FAM83B: variants seen among roughly 807,000 people sequenced by gnomAD.
FAM83B encodes the protein scaffolding CK1 anchoring protein B.
Under a neutral mutation model 38.8 loss-of-function variants are expected in FAM83B, and 26 were observed. The observed-to-expected ratio is 0.67, with a 90% CI of 0.49 to 0.93. The LOEUF (loss-of-function observed/expected upper bound fraction) is 0.93, where lower values mean the gene tolerates loss of function less well. Ranked by LOEUF, FAM83B falls within the 40% of genes least tolerant of loss-of-function variation. The pLI is 0.00. For synonymous variants in FAM83B, 419 were observed against 423.1 expected, an observed-to-expected ratio of 0.99 and a Z score of 0.12; for missense variants, 1,237 against 1,197.3, an observed-to-expected ratio of 1.03 and a Z score of -0.49.
rs74912357 is a variant in FAM83B, at chr6:54,942,305, G to A, written c.*298G>A. On this transcript the variant is annotated 3_prime_UTR_variant, in exon 5 of 5. Coordinates refer to ENST00000306858, the MANE Select transcript of FAM83B (RefSeq NM_001010872.3). ...TCACTTAGAAATTTTTGTGGACGAT[G>A]TATGGTGTATGGTGTATGGTGTATG... Among the ~76,000 whole-genome samples the A allele has an allele frequency of 5.8e-3, 888 of 151,994 alleles. 8 individuals carry two copies. Among genetic ancestry groups the A allele is most frequent in the Non-Finnish European group, 6.5e-3 (442 of 67,994 alleles).
At chr6:54,882,302 T>A (rs1489664426) in intron 2 of FAM83B, among the ~76,000 whole-genome samples, 4 of 152,224 alleles carry the variant, frequency 2.6e-5, no homozygotes, top group Non-Finnish European at 4.4e-5. Flanking sequence ...TAACAGCTAA[T>A]GTTTAATGCT....
intron 2 of FAM83B, among the ~76,000 whole-genome samples, chr6:54,910,218 T>C (rs1213427150): frequency 6.6e-6 from 1 of 152,070 alleles, no homozygotes; most frequent in East Asian, 1.9e-4. Context: ...TATCCAACAA[T>C]CAATATACAG....
At position 54,942,391 on chromosome 6, in the gene FAM83B, G is replaced by A. The variant is rs1042729232; in HGVS notation, c.*384G>A. Among the ~76,000 whole-genome samples the A allele has an allele frequency of 1.3e-5, 2 of 151,998 alleles. No homozygotes were observed. Among genetic ancestry groups the A allele is most frequent in the Admixed American group, 6.6e-5 (1 of 15,246 alleles). On this transcript the variant is annotated 3_prime_UTR_variant, in exon 5 of 5. Transcript: ENST00000306858. ...CCCTCAGTAACCCTTTATAACATGTGTTTATAGTGTTTTCATATCTTCAAA... is the reference window on the plus strand; with the variant it reads ...CCCTCAGTAACCCTTTATAACATGTATTTATAGTGTTTTCATATCTTCAAA...
chr6:54,940,109 A>T lies in FAM83B; in HGVS notation c.1138A>T (p.Ile380Leu). ...AATACGTCAGTTTCAACCCAATCAG[A>T]TAAATGAAAATTGGAAAAGGCATAG... ...NAIRQFQPNQ[I>L]NENWKRHSYA... is the part of the protein sequence containing the mutation. The change falls in exon 5 of 5, where the codon ATA (isoleucine) becomes TTA (leucine). Residue 380 changes from isoleucine to leucine, a missense_variant. Physicochemically the swap from Ile to Leu is conservative, Grantham distance 5. Coordinates refer to ENST00000306858, the MANE Select transcript of FAM83B (RefSeq NM_001010872.3). 2 of 1,614,126 alleles carry T rather than the reference A, an allele frequency of 1.2e-6. No individual in the cohort carries two copies. The highest frequency in any genetic ancestry group is 1.1e-5 in the South Asian group (1 of 91,082).
chr6:54,899,516 T>G (rs1772609578), intron 2 of FAM83B, among the ~76,000 whole-genome samples: 1 of 152,210 alleles, frequency 6.6e-6, no homozygotes. Flanking sequence ...AGAGCAGCTT[T>G]TAAACAGCAG....
At chr6:54,901,090 T>C (rs946299562) in intron 2 of FAM83B, among the ~76,000 whole-genome samples, 7 of 152,324 alleles carry the variant, frequency 4.6e-5, no homozygotes, top group African/African-American at 1.7e-4. Flanking sequence ...GGAATCTGTT[T>C]ATTTATCTAG....
intron 2 of FAM83B, among the ~76,000 whole-genome samples, chr6:54,906,529 C>T (rs1204798717): frequency 1.3e-5 from 2 of 151,958 alleles, no homozygotes; most frequent in Admixed American, 6.6e-5. Context: ...CTATCACAGG[C>T]GCGTGCCCCT....
At chr6:54,921,692 T>C (rs1309445062) in intron 2 of FAM83B, among the ~76,000 whole-genome samples, 1 of 152,032 alleles carries the variant, frequency 6.6e-6, no homozygotes, top group East Asian at 1.9e-4. Flanking sequence ...TCTTGATTAA[T>C]ATAATAGATT....
At chr6:54,927,189 T>C (rs1773313677) in intron 3 of FAM83B, among the ~76,000 whole-genome samples, 1 of 152,194 alleles carries the variant, frequency 6.6e-6, no homozygotes, top group Non-Finnish European at 1.5e-5. Flanking sequence ...CTTTTGACTT[T>C]TTAAAAGGAA....
At chr6:54,888,790 CT>C (rs1772337390) in intron 2 of FAM83B, among the ~76,000 whole-genome samples, 1 of 151,642 alleles carries the variant, frequency 6.6e-6, no homozygotes, top group Admixed American at 6.6e-5. Context: ...TAAAGTTTTC[CT>C]GCTGTTTTGG....
chr6:54,907,638 TA>T (rs1216163443), intron 2 of FAM83B, among the ~76,000 whole-genome samples: 1 of 143,540 alleles, frequency 7.0e-6, no homozygotes, highest in Non-Finnish European at 1.5e-5. Flanking sequence ...GATTTTTTTT[TA>T]AAAAACAGTG....
chr6:54,941,024 T>G lies in FAM83B; in HGVS notation c.2053T>G (p.Tyr685Asp). The stretch of plus-strand genomic sequence containing the variant: ...TCCTGGAAATAGTAAGCATTATGTA[T>G]ATAGTACACTTACCAGGAATCGAGT... ...LDPGNSKHYV[Y>D]STLTRNRVRQ... The change falls in exon 5 of 5, where the codon TAT (tyrosine) becomes GAT (aspartate). Residue 685 changes from tyrosine (Y) to aspartate (D), a missense_variant. Transcript: ENST00000306858. 2 of 1,613,872 alleles carry G rather than the reference T, an allele frequency of 1.2e-6. No individual in the cohort carries two copies. The highest frequency in any genetic ancestry group is 1.7e-6 in the Non-Finnish European group (2 of 1,179,970).
At chr6:54,928,202 C>T (rs1269869256) in intron 4 of FAM83B, among the ~76,000 whole-genome samples, 1 of 152,050 alleles carries the variant, frequency 6.6e-6, no homozygotes, top group Non-Finnish European at 1.5e-5. Context: ...GATAAAAGCA[C>T]CACCAAATAC....
At chr6:54,872,434 T>A (rs978998481) in intron 2 of FAM83B, among the ~76,000 whole-genome samples, 2 of 152,218 alleles carry the variant, frequency 1.3e-5, no homozygotes, top group Non-Finnish European at 2.9e-5. Context: ...TTTGGTGACA[T>A]GATATGCTTT....
intron 2 of FAM83B, among the ~76,000 whole-genome samples, chr6:54,921,247 G>A (rs1027179642): frequency 3.3e-5 from 5 of 151,518 alleles, no homozygotes; most frequent in African/African-American, 9.7e-5. Context: ...TACCATTCCC[G>A]TGTATTACTT....
At chr6:54,914,301 T>C (rs552625326) in intron 2 of FAM83B, among the ~76,000 whole-genome samples, 11 of 152,210 alleles carry the variant, frequency 7.2e-5, no homozygotes, top group Non-Finnish European at 1.5e-4. Flanking sequence ...CTTAAGTTTA[T>C]GTTACATATT....
intron 2 of FAM83B, among the ~76,000 whole-genome samples, chr6:54,921,505 G>A (rs535620593): frequency 4.3e-4 from 65 of 151,966 alleles, no homozygotes; most frequent in Non-Finnish European, 7.7e-4. Flanking sequence ...CTGGGGTAGC[G>A]TTCTGAAAGT....
intron 4 of FAM83B, among the ~76,000 whole-genome samples, chr6:54,928,419 C>T (rs771346465): frequency 6.6e-6 from 1 of 152,120 alleles, no homozygotes; most frequent in East Asian, 1.9e-4. Context: ...TTAGTTTGCT[C>T]CGCTATAAAA....
intron 3 of FAM83B, 142 bp from the exon 4 acceptor site, chr6:54,927,366 G>A (rs1021506277): frequency 2.9e-5 from 16 of 553,044 alleles, no homozygotes; most frequent in South Asian, 8.5e-5. Flanking sequence ...TTTTCATTAA[G>A]GATTTAATAT....
Sources: allele counts gnomAD v4.1 joint callset (sites outside exome capture counted in the v4.1 genomes callset), GRCh38; gene constraint gnomAD v4.1.1; transcripts MANE v1.5; gene names NCBI Gene and HGNC (gene_info 2026-07-23, HGNC 2026-07-21).